KIAA1217: variants seen among roughly 807,000 people sequenced by gnomAD.
KIAA1217 encodes sickle tail protein homolog.
A neutral mutation model predicts 163.9 loss-of-function variants in KIAA1217; 88 were observed. The ratio of observed to expected loss-of-function variants is 0.54; its 90% CI spans 0.45 to 0.64. The LOEUF (loss-of-function observed/expected upper bound fraction) is 0.64. KIAA1217 is among the 30% of genes least tolerant of loss of function. KIAA1217 has a pLI of 0.00. For synonymous variants in KIAA1217, 903 were observed against 923.1 expected, an observed-to-expected ratio of 0.98 and a Z score of 0.39; for missense variants, 2,372 against 2,475.0, an observed-to-expected ratio of 0.96 and a Z score of 0.88.
At chr10:23,888,919 A>G (rs898236209) in intron 1 of KIAA1217, among the ~76,000 whole-genome samples, 2 of 151,832 alleles carry the variant, frequency 1.3e-5, no homozygotes, top group South Asian at 4.1e-4. Context: ...TCCCTCTTTT[A>G]GAGCATTATA....
intron 2 of KIAA1217, among the ~76,000 whole-genome samples, chr10:24,059,691 C>A (rs1418294679): frequency 6.6e-6 from 1 of 152,098 alleles, no homozygotes; most frequent in East Asian, 1.9e-4. Flanking sequence ...CATTGTCTTG[C>A]CTCAGCCTCC....
intron 3 of KIAA1217, among the ~76,000 whole-genome samples, chr10:24,417,196 G>GA: frequency 6.6e-6 from 1 of 152,002 alleles, no homozygotes; most frequent in Non-Finnish European, 1.5e-5. Context: ...ACCCTCTGGG[G>GA]AAAAAAATCT....
At chr10:24,221,425 T>G (rs532635895) in intron 2 of KIAA1217, among the ~76,000 whole-genome samples, 1 of 152,272 alleles carries the variant, frequency 6.6e-6, no homozygotes, top group South Asian at 2.1e-4. Context: ...GCTCAGTGTT[T>G]TAAGTCTGCT....
chr10:24,530,200 G>C (rs2072914192), intron 14 of KIAA1217, among the ~76,000 whole-genome samples: 1 of 152,102 alleles, frequency 6.6e-6, no homozygotes, highest in African/African-American at 2.4e-5. Flanking sequence ...TCCTTCTCAT[G>C]ATTGAACAAC....
chr10:24,220,579 T>C (rs1054432835), intron 2 of KIAA1217, among the ~76,000 whole-genome samples: 8 of 149,624 alleles, frequency 5.3e-5, no homozygotes, highest in African/African-American at 2.0e-4. Flanking sequence ...CTCAGCCTCC[T>C]GAGTAGCTGG....
intron 1 of KIAA1217, among the ~76,000 whole-genome samples, chr10:23,755,347 G>A (rs1226459398): frequency 6.6e-6 from 1 of 152,186 alleles, no homozygotes; most frequent in Non-Finnish European, 1.5e-5. Flanking sequence ...GCCATATCCA[G>A]GGAATTAAGA....
At chr10:24,338,353 A>G (rs1184668029) in intron 2 of KIAA1217, among the ~76,000 whole-genome samples, 1 of 152,174 alleles carries the variant, frequency 6.6e-6, no homozygotes, top group Non-Finnish European at 1.5e-5. Flanking sequence ...GGGGATCAGA[A>G]TCTTAAGCAA....
Position 23,842,317 on chromosome 10 carries a change from A to G in KIAA1217, c.-321+147083A>G, listed in dbSNP as rs16923969. 4.8e-3 allele frequency among the ~76,000 whole-genome samples: 730 copies of G among 152,272 alleles called. 10 individuals carry two copies. The highest frequency in any genetic ancestry group is 0.016 in the African/African-American group (660 of 41,554). ...ATTCTCAGTTCAAGAAGATCACCAG[A>G]CGGCTCTCCAAATTTCCAGAAACAA... On this transcript the variant is annotated intron_variant, in intron 1 of 18. Transcript: ENST00000376462.
intron 1 of KIAA1217, among the ~76,000 whole-genome samples, chr10:23,814,805 A>G (rs1020827474): frequency 6.9e-6 from 1 of 143,950 alleles, no homozygotes; most frequent in African/African-American, 2.7e-5. Context: ...ATTTTAAATC[A>G]TTTAGTAGAT....
intron 2 of KIAA1217, among the ~76,000 whole-genome samples, chr10:24,192,094 A>G (rs927174825): frequency 1.3e-5 from 2 of 152,232 alleles, no homozygotes; most frequent in African/African-American, 4.8e-5. Flanking sequence ...TTTGGGTGTT[A>G]ACACAAGAGC....
At chr10:23,819,603 T>A (rs960955242) in intron 1 of KIAA1217, among the ~76,000 whole-genome samples, 1 of 152,190 alleles carries the variant, frequency 6.6e-6, no homozygotes, top group Non-Finnish European at 1.5e-5. Context: ...GATCTTAAAA[T>A]AGTATGCAAA....
In KIAA1217 at chr10:23,837,909, C is replaced by G. The variant is rs181557613; in HGVS notation, c.-321+142675C>G. Among the ~76,000 whole-genome samples the G allele has an allele frequency of 3.3e-5, 5 of 152,188 alleles. No homozygotes were observed. In the East Asian group the frequency reaches 9.7e-4, roughly 29 times the overall value. On this transcript the variant is annotated intron_variant, in intron 1 of 18. Transcript: ENST00000376462. Reference sequence around the variant, plus strand: ...GGCTGTTATCTTCTAGATGTTCTCCCTGTATATAGGGCAACTATTTTCGTG... The same window carrying G: ...GGCTGTTATCTTCTAGATGTTCTCCGTGTATATAGGGCAACTATTTTCGTG...
chr10:24,444,718 T>C (rs2060781046), intron 5 of KIAA1217, among the ~76,000 whole-genome samples: 2 of 152,216 alleles, frequency 1.3e-5, no homozygotes, highest in Non-Finnish European at 1.5e-5. Context: ...TCACCAGAAA[T>C]AGTTGTGCTT....
chr10:23,978,110 G>A (rs544793316), intron 1 of KIAA1217, among the ~76,000 whole-genome samples: 5 of 152,260 alleles, frequency 3.3e-5, no homozygotes, highest in Admixed American at 2.6e-4. Flanking sequence ...AGGGAGTTGG[G>A]TGACACATTC....
Position 24,494,545 on chromosome 10 carries a change from C to T in KIAA1217, c.1725C>T (p.Gly575=), listed in dbSNP as rs750511805. 3.7e-6 allele frequency: 6 copies of T among 1,613,962 alleles called. No homozygotes were observed. The East Asian group carries it at 1.3e-4, about 36-fold the overall frequency. ...AMEKQIASLT[G]LVQSALFKGP... ...AGAAACAGATTGCCAGTTTAACTGG[C>T]CTTGTTCAGTCTGCGCTTTTTAAAG... The change falls in exon 7 of 21, where the codon GGC becomes GGT. Residue 575 remains glycine (G), a synonymous_variant. Transcript: ENST00000376454.
At chr10:24,307,252 G>T (rs530476773) in intron 2 of KIAA1217, among the ~76,000 whole-genome samples, 1 of 152,036 alleles carries the variant, frequency 6.6e-6, no homozygotes, top group Admixed American at 6.6e-5. Context: ...TCTTAGCTCC[G>T]GGTTGAGCTC....
chr10:23,932,315 C>T (rs547121788), intron 1 of KIAA1217, among the ~76,000 whole-genome samples: 1 of 152,188 alleles, frequency 6.6e-6, no homozygotes, highest in East Asian at 1.9e-4. Flanking sequence ...GCTTAGCTCT[C>T]GCTTATTTAA....
chr10:24,360,939 C>A (rs540854471), intron 2 of KIAA1217, among the ~76,000 whole-genome samples: 1 of 150,864 alleles, frequency 6.6e-6, no homozygotes, highest in African/African-American at 2.4e-5. Context: ...GAAAAGCAAG[C>A]ACAAATAATT....
In KIAA1217 at chr10:24,065,249, A is replaced by T. The variant is rs537156174; in HGVS notation, c.-171+57875A>T. 1.4e-4 allele frequency among the ~76,000 whole-genome samples: 21 copies of T among 152,064 alleles called. 1 individual carries two copies. The South Asian group carries it at 3.5e-3, about 26-fold the overall frequency. Reference sequence around the variant, plus strand: ...ATTGTGACGTTAGGGTGTCAATTTTAGATCTTTCCTGCTTTCTCTTGTGGG... The same window carrying T: ...ATTGTGACGTTAGGGTGTCAATTTTTGATCTTTCCTGCTTTCTCTTGTGGG... On this transcript the variant is annotated intron_variant, in intron 2 of 18. Coordinates refer to the KIAA1217 transcript ENST00000376462.
Sources: allele counts gnomAD v4.1 joint callset (sites outside exome capture counted in the v4.1 genomes callset), GRCh38; gene constraint gnomAD v4.1.1; transcripts MANE v1.5; gene names NCBI Gene and HGNC (gene_info 2026-07-23, HGNC 2026-07-21).